THRB: variants seen among roughly 807,000 people sequenced by gnomAD.
The protein encoded by THRB is nuclear receptor subfamily 1 group A member 2.
A neutral mutation model predicts 47.8 loss-of-function variants in THRB; 12 were observed. The observed-to-expected ratio is 0.25, with a 90% CI of 0.16 to 0.41. The LOEUF (loss-of-function observed/expected upper bound fraction) is 0.41, where lower values mean the gene tolerates loss of function less well. Ranked by LOEUF, THRB falls within the 10% of genes least tolerant of loss-of-function variation. THRB has a pLI of 1.00. For synonymous variants in THRB, 218 were observed against 212.2 expected (o/e 1.03, Z -0.24); for missense variants, 348 against 589.2 (o/e 0.59, Z 4.24).
intron 1 of THRB, among the ~76,000 whole-genome samples, chr3:24,410,770 T>C (rs1045406028): frequency 2.0e-5 from 3 of 151,894 alleles, no homozygotes; most frequent in Non-Finnish European, 4.4e-5. Context: ...GTAAAAGTTA[T>C]TTAAATACCT....
At chr3:24,183,136 C>T (rs544714092) in intron 5 of THRB, among the ~76,000 whole-genome samples, 1 of 151,966 alleles carries the variant, frequency 6.6e-6, no homozygotes, top group East Asian at 1.9e-4. Context: ...TAGAGCTGTG[C>T]ACATGATGTT....
At chr3:24,410,650 T>C (rs2068214115) in intron 1 of THRB, among the ~76,000 whole-genome samples, 1 of 151,890 alleles carries the variant, frequency 6.6e-6, no homozygotes, top group Admixed American at 6.6e-5. Context: ...CAGGCAAATT[T>C]ATGCTCATTT....
chr3:24,231,791 C>T (rs1332337926), intron 3 of THRB, among the ~76,000 whole-genome samples: 1 of 152,142 alleles, frequency 6.6e-6, no homozygotes, highest in Non-Finnish European at 1.5e-5. Flanking sequence ...CAAGATGGTC[C>T]TTTCCACAGC....
At chr3:24,488,053 A>C (rs1022545420) in intron 1 of THRB, among the ~76,000 whole-genome samples, 2 of 152,202 alleles carry the variant, frequency 1.3e-5, no homozygotes, top group African/African-American at 4.8e-5. Flanking sequence ...ATATTATGCT[A>C]CTAACACCAT....
At chr3:24,189,955 G>A in intron 5 of THRB, 119 bp downstream of exon 5, 1 of 970,236 alleles carries the variant, frequency 1.0e-6, no homozygotes. Flanking sequence ...AAGAACAGTT[G>A]GAGAAAACAT....
At chr3:24,206,071 C>T (rs867244285) in intron 4 of THRB, among the ~76,000 whole-genome samples, 9,875 of 151,986 alleles carry the variant, frequency 0.065, 877 homozygotes, top group African/African-American at 0.21. Context: ...AACACCCCAC[C>T]GTCAACATTA....
intron 2 of THRB, among the ~76,000 whole-genome samples, chr3:24,322,441 A>C (rs1021231351): frequency 3.9e-5 from 6 of 152,222 alleles, no homozygotes; most frequent in Non-Finnish European, 7.3e-5. Flanking sequence ...CAAAGAGTTT[A>C]TTGTATTTGC....
chr3:24,429,702 C>T (rs2070164056), intron 1 of THRB, among the ~76,000 whole-genome samples: 2 of 151,876 alleles, frequency 1.3e-5, no homozygotes, highest in African/African-American at 4.8e-5. Flanking sequence ...GAGACAGGGC[C>T]TTACTATGTT....
chr3:24,139,474 C>G (rs1189728440), intron 8 of THRB, among the ~76,000 whole-genome samples: 1 of 151,442 alleles, frequency 6.6e-6, no homozygotes, highest in Admixed American at 6.6e-5. Context: ...GCCTTGACCT[C>G]CTGGGCTTAA....
intron 4 of THRB, among the ~76,000 whole-genome samples, chr3:24,206,486 GGACA>G (rs2045367359): frequency 6.6e-6 from 1 of 151,974 alleles, no homozygotes; most frequent in Admixed American, 6.6e-5. Context: ...AGAATCTCTG[GGACA>G]CATTTAAAGC....
chr3:24,229,540 T>G (rs1559671190), intron 3 of THRB, among the ~76,000 whole-genome samples: 1 of 152,208 alleles, frequency 6.6e-6, no homozygotes, highest in Non-Finnish European at 1.5e-5. Flanking sequence ...CATTTATGAC[T>G]TGTCCTAGTC....
At chr3:24,460,978 A>G (rs1158535350) in intron 1 of THRB, among the ~76,000 whole-genome samples, 2 of 152,216 alleles carry the variant, frequency 1.3e-5, no homozygotes. Flanking sequence ...TCACTGGTCA[A>G]TTGTAGGGGT....
In THRB at chr3:24,221,445, C is replaced by T. The variant is rs140298483; in HGVS notation, c.22+7493G>A. Among the ~76,000 whole-genome samples, 315 of 152,252 alleles carry T rather than the reference C, an allele frequency of 2.1e-3. 2 individuals carry two copies. The highest frequency in any genetic ancestry group is 7.3e-3 in the African/African-American group (305 of 41,552). On this transcript the variant is annotated intron_variant, in intron 4 of 10. Coordinates refer to ENST00000646209, the MANE Select transcript of THRB (RefSeq NM_001354712.2). ...AGATGTGCTGGACAGCTCTTGGTTA[C>T]AGCAGGGCTTGCAGGAGACTGAGAT...
At chr3:24,339,228 C>G (rs932400504) in intron 1 of THRB, among the ~76,000 whole-genome samples, 5 of 152,088 alleles carry the variant, frequency 3.3e-5, no homozygotes, top group African/African-American at 1.2e-4. Context: ...GAACTTGACT[C>G]TGTGAAAAAC....
At chr3:24,482,797 T>C (rs934105389) in intron 1 of THRB, among the ~76,000 whole-genome samples, 2 of 152,210 alleles carry the variant, frequency 1.3e-5, no homozygotes, top group East Asian at 3.8e-4. Flanking sequence ...TTCTCACCTA[T>C]TATGGAATAT....
intron 4 of THRB, among the ~76,000 whole-genome samples, chr3:24,211,181 C>T (rs1188158507): frequency 7.5e-6 from 1 of 132,554 alleles, no homozygotes; most frequent in African/African-American, 3.2e-5. Flanking sequence ...GCCTGGGCAA[C>T]AGCAAGACTC....
At chr3:24,299,489 G>A (rs1188870636) in intron 2 of THRB, among the ~76,000 whole-genome samples, 2 of 151,940 alleles carry the variant, frequency 1.3e-5, no homozygotes, top group African/African-American at 2.4e-5. Flanking sequence ...TAAGTGTCCT[G>A]TAGTTGGTAC....
intron 4 of THRB, among the ~76,000 whole-genome samples, chr3:24,220,847 T>G (rs1361853643): frequency 6.6e-6 from 1 of 152,064 alleles, no homozygotes; most frequent in Non-Finnish European, 1.5e-5. Flanking sequence ...TGAAGCCATT[T>G]AACCCACAGT....
At chr3:24,387,600 T>G (rs1224136021) in intron 1 of THRB, among the ~76,000 whole-genome samples, 1 of 152,146 alleles carries the variant, frequency 6.6e-6, no homozygotes, top group African/African-American at 2.4e-5. Context: ...AAACCTCTTT[T>G]GTTCAAAGTG....
Sources: gnomAD v4.1 joint callset for allele counts (sites outside exome capture counted in the v4.1 genomes callset) on GRCh38, gnomAD v4.1.1 for gene constraint, MANE v1.5 for transcripts, NCBI Gene and HGNC (gene_info 2026-07-23, HGNC 2026-07-21) for gene names.